The following PSD3 variants were observed in gnomAD, a reference collection of about 807,000 sequenced individuals.
The protein encoded by PSD3 is pleckstrin and Sec7 domain containing 3, also known as PH and SEC7 domain-containing protein 3.
PSD3 carries 49 observed loss-of-function variants against 105.5 expected under a neutral mutation model. The observed-to-expected ratio is 0.46, with a 90% CI of 0.37 to 0.59. The LOEUF (loss-of-function observed/expected upper bound fraction) is 0.59. PSD3 is among the 20% of genes least tolerant of loss of function. The pLI, the probability that PSD3 is intolerant of heterozygous loss-of-function variation, is 0.00. For missense variants in PSD3, 1,561 were observed against 1,263.8 expected, an observed-to-expected ratio of 1.24 and a Z score of -3.57; for synonymous variants, 557 against 457.8, an observed-to-expected ratio of 1.22 and a Z score of -2.77.
intron 9 of PSD3, among the ~76,000 whole-genome samples, chr8:18,722,344 T>C (rs1373721671): frequency 1.3e-5 from 2 of 152,094 alleles, no homozygotes; most frequent in African/African-American, 4.8e-5. Context: ...AGCTGGCAAA[T>C]AGAATAAAAG....
intron 9 of PSD3, among the ~76,000 whole-genome samples, chr8:18,701,706 C>T (rs1801592049): frequency 6.6e-6 from 1 of 152,106 alleles, no homozygotes; most frequent in Non-Finnish European, 1.5e-5. Flanking sequence ...TCTTTAAATG[C>T]ACTGATTTAT....
At chr8:19,040,354 G>T (rs1457166427) in intron 1 of PSD3, among the ~76,000 whole-genome samples, 1 of 151,974 alleles carries the variant, frequency 6.6e-6, no homozygotes, top group Non-Finnish European at 1.5e-5. Context: ...ACAGGCACGC[G>T]CCACCACCCC....
intron 9 of PSD3, among the ~76,000 whole-genome samples, chr8:18,701,936 G>A (rs955658781): frequency 6.6e-6 from 1 of 152,096 alleles, no homozygotes; most frequent in African/African-American, 2.4e-5. Flanking sequence ...GACCATTTAC[G>A]GCTCTTGGGA....
In PSD3 at chr8:18,631,362, C is replaced by A. The variant is rs575683079; in HGVS notation, c.2410+1251G>T. Among the ~76,000 whole-genome samples the A allele has an allele frequency of 3.3e-5, 5 of 152,058 alleles. No individual in the cohort carries two copies. In the South Asian group the frequency reaches 1.0e-3, roughly 32 times the overall value. On this transcript the variant is annotated intron_variant, in intron 11 of 15. Coordinates refer to ENST00000327040, the MANE Select transcript of PSD3 (RefSeq NM_015310.4). ...GGGGCTGTCAATCACAATATTCCAT[C>A]CTCTCAGTGATACAAGTCAGAATCC...
chr8:18,878,134 C>A (rs1817856884), intron 2 of PSD3, among the ~76,000 whole-genome samples: 1 of 152,002 alleles, frequency 6.6e-6, no homozygotes, highest in Non-Finnish European at 1.5e-5. Context: ...TCTTTAATTT[C>A]TTTTAGCCAT....
intron 1 of PSD3, among the ~76,000 whole-genome samples, chr8:18,968,825 G>C (rs992193355): frequency 7.3e-6 from 1 of 136,534 alleles, no homozygotes. Flanking sequence ...GCAGTGAGCC[G>C]AGATCGCGCC....
intron 1 of PSD3, among the ~76,000 whole-genome samples, chr8:19,076,139 G>T (rs1829457762): frequency 6.6e-6 from 1 of 152,176 alleles, no homozygotes; most frequent in Non-Finnish European, 1.5e-5. Flanking sequence ...TGCAGAGTAT[G>T]CTAAGAAAAA....
intron 1 of PSD3, among the ~76,000 whole-genome samples, chr8:18,943,514 G>A (rs908757398): frequency 7.2e-5 from 11 of 151,896 alleles, no homozygotes; most frequent in Non-Finnish European, 1.2e-4. Context: ...ACCTGGAGAA[G>A]GAAAAGAACA....
chr8:19,015,637 C>T (rs1331367681), upstream of PSD3, among the ~76,000 whole-genome samples: 3 of 152,182 alleles, frequency 2.0e-5, no homozygotes, highest in Non-Finnish European at 4.4e-5. Context: ...ATATAGGAGG[C>T]AGGGTGGACA....
chr8:18,965,693 T>A (rs377423336), intron 1 of PSD3, among the ~76,000 whole-genome samples: 22 of 152,212 alleles, frequency 1.4e-4, no homozygotes, highest in African/African-American at 5.3e-4. Context: ...TAGGTCAAGC[T>A]TGCAAGATTC....
chr8:19,061,709 G>A (rs938402799), intron 1 of PSD3, among the ~76,000 whole-genome samples: 6 of 151,880 alleles, frequency 4.0e-5, no homozygotes, highest in Non-Finnish European at 8.8e-5. Context: ...GAAGTCTGAG[G>A]CAGGAGAATC....
chr8:19,027,278 C>T (rs1249096440), intron 1 of PSD3, among the ~76,000 whole-genome samples: 1 of 152,108 alleles, frequency 6.6e-6, no homozygotes, highest in Non-Finnish European at 1.5e-5. Context: ...TGCTGAGTTA[C>T]CTGCAAGAGG....
chr8:18,616,178 G>C (rs1016950483), intron 11 of PSD3, among the ~76,000 whole-genome samples: 2 of 152,260 alleles, frequency 1.3e-5, no homozygotes, highest in African/African-American at 4.8e-5. Flanking sequence ...GACTGCACCT[G>C]AGGTGATGCT....
intron 1 of PSD3, among the ~76,000 whole-genome samples, chr8:18,969,354 G>T (rs1170390109): frequency 1.3e-5 from 2 of 152,166 alleles, no homozygotes; most frequent in Admixed American, 1.3e-4. Flanking sequence ...TGCAACAGCA[G>T]CCAGCAATAA....
intron 1 of PSD3, among the ~76,000 whole-genome samples, chr8:18,975,171 G>C (rs1824861220): frequency 6.6e-6 from 1 of 152,098 alleles, no homozygotes; most frequent in African/African-American, 2.4e-5. Flanking sequence ...GAGCTATTAA[G>C]GAAAAGGTCT....
chr8:18,755,378 C>T (rs760458833), intron 9 of PSD3, among the ~76,000 whole-genome samples: 3 of 151,818 alleles, frequency 2.0e-5, no homozygotes, highest in Non-Finnish European at 4.4e-5. Context: ...TGCAGTGAGC[C>T]GAGATTGTAC....
chr8:18,923,344 A>G (rs1821155383), intron 2 of PSD3, among the ~76,000 whole-genome samples: 1 of 152,188 alleles, frequency 6.6e-6, no homozygotes, highest in South Asian at 2.1e-4. Flanking sequence ...AAAGCCACAT[A>G]AGGGTTGCCA....
At chr8:18,963,644 C>T (rs371012786) in intron 1 of PSD3, among the ~76,000 whole-genome samples, 4 of 152,090 alleles carry the variant, frequency 2.6e-5, no homozygotes, top group African/African-American at 7.2e-5. Flanking sequence ...TGCTATACAA[C>T]GCTAGCTGGG....
chr8:18,817,232 T>G (rs1812290386), intron 4 of PSD3, among the ~76,000 whole-genome samples: 1 of 152,216 alleles, frequency 6.6e-6, no homozygotes, highest in Non-Finnish European at 1.5e-5. Flanking sequence ...TACAACAATT[T>G]ACAAAAGGTT....
Sources: gnomAD v4.1 joint callset for allele counts (sites outside exome capture counted in the v4.1 genomes callset) on GRCh38, gnomAD v4.1.1 for gene constraint, MANE v1.5 for transcripts, NCBI Gene and HGNC (gene_info 2026-07-23, HGNC 2026-07-21) for gene names.